RPN2: variants seen among roughly 807,000 people sequenced by gnomAD.
RPN2 encodes the protein dolichyl-diphosphooligosaccharide--protein glycosyltransferase subunit 2.
In RPN2, 29 loss-of-function variants were observed where a neutral mutation model predicts 71.4. The observed-to-expected ratio is 0.41, with a 90% CI of 0.30 to 0.55. The LOEUF is 0.55. RPN2 is among the 20% of genes least tolerant of loss of function. The probability of loss-of-function intolerance (pLI) is 0.35; values close to 1 mark genes in which losing one functional copy is unlikely to be tolerated. For synonymous variants in RPN2, 308 were observed against 305.0 expected (o/e 1.01, Z -0.10); for missense variants, 726 against 774.1 (o/e 0.94, Z 0.74).
chr20:37,189,874 A>T (rs2067104313), intron 2 of RPN2, among the ~76,000 whole-genome samples: 1 of 152,218 alleles, frequency 6.6e-6, no homozygotes, highest in Non-Finnish European at 1.5e-5. Context: ...GTGAGTTCAG[A>T]CAATGCCTGG....
intron 7 of RPN2, among the ~76,000 whole-genome samples, chr20:37,209,648 C>CTT (rs776695197): frequency 6.9e-6 from 1 of 145,584 alleles, no homozygotes; most frequent in African/African-American, 2.5e-5. Context: ...ATTTAAAAAA[C>CTT]TTTTTTTTTT....
At position 37,201,040 on chromosome 20, in the gene RPN2, T is replaced by C. The variant is rs115158835; in HGVS notation, c.479+1815T>C. On this transcript the variant is annotated intron_variant, in intron 4 of 16. Transcript: ENST00000237530. ...TTGTGTCTGACTTTGGCCAAATTTC[T>C]AACTTCTCTGAGCCTTGCCTTTAAA... Among the ~76,000 whole-genome samples the C allele has an allele frequency of 3.0e-3, 451 of 152,246 alleles. 3 individuals carry two copies. Among genetic ancestry groups the C allele is most frequent in the African/African-American group, 0.011 (438 of 41,560 alleles).
At chr20:37,203,484 G>C (rs1263034118) in intron 4 of RPN2, among the ~76,000 whole-genome samples, 1 of 151,210 alleles carries the variant, frequency 6.6e-6, no homozygotes, top group African/African-American at 2.4e-5. Flanking sequence ...GGGACTACAA[G>C]CACACGCTAC....
In RPN2 at chr20:37,233,660, A is replaced by G. The variant is rs77135528; in HGVS notation, c.1678-360A>G. ...AGCTGCCGGTGGGTTTATCTTACCA[A>G]TTCTTAGAGAACTTAGTGGGGGTGT... On this transcript the variant is annotated intron_variant, in intron 14 of 16. Transcript: ENST00000237530. Among the ~76,000 whole-genome samples, 440 of 152,312 alleles carry G rather than the reference A, an allele frequency of 2.9e-3. 1 individual carries two copies. The highest frequency in any genetic ancestry group is 0.01 in the African/African-American group (428 of 41,578).
chr20:37,183,817 G>A (rs2066936495), intron 1 of RPN2, among the ~76,000 whole-genome samples: 2 of 152,244 alleles, frequency 1.3e-5, no homozygotes, highest in Admixed American at 6.5e-5. Context: ...CAGAGAAGAA[G>A]CCAGAGAGCA....
chr20:37,196,627 A>G (rs1568968844), intron 2 of RPN2, among the ~76,000 whole-genome samples: 1 of 151,496 alleles, frequency 6.6e-6, no homozygotes, highest in Non-Finnish European at 1.5e-5. Context: ...CGATTCTCCA[A>G]CCTCACCTTC....
intron 11 of RPN2, among the ~76,000 whole-genome samples, chr20:37,227,702 ATTCT>A (rs1267565915): frequency 6.6e-6 from 1 of 152,304 alleles, no homozygotes; most frequent in Non-Finnish European, 1.5e-5. Context: ...GCCTTGTTGA[ATTCT>A]TTATTTTGAA....
At chr20:37,193,079 G>A (rs914818660) in intron 2 of RPN2, among the ~76,000 whole-genome samples, 5 of 152,152 alleles carry the variant, frequency 3.3e-5, no homozygotes, top group African/African-American at 9.7e-5. Flanking sequence ...AGTGAGCTAC[G>A]ATCATGCCAC....
At chr20:37,190,866 A>G (rs1330827957) in intron 2 of RPN2, among the ~76,000 whole-genome samples, 1 of 152,210 alleles carries the variant, frequency 6.6e-6, no homozygotes, top group African/African-American at 2.4e-5. Context: ...AGTTGTATGC[A>G]TGTTTCAGAG....
At chr20:37,199,330 A>G (rs755010089) in intron 4 of RPN2, 105 bp downstream of exon 4, 7 of 1,392,492 alleles carry the variant, frequency 5.0e-6, no homozygotes, top group Non-Finnish European at 6.9e-6. Context: ...AAGTACTTGC[A>G]GTAAATACTT....
intron 9 of RPN2, among the ~76,000 whole-genome samples, chr20:37,216,517 A>G (rs2067809048): frequency 1.3e-5 from 2 of 151,844 alleles, no homozygotes; most frequent in African/African-American, 2.4e-5. Context: ...GCTGGAGTAT[A>G]GTGGTGCCAT....
At chr20:37,209,631 T>C (rs539531001) in intron 7 of RPN2, among the ~76,000 whole-genome samples, 11 of 152,172 alleles carry the variant, frequency 7.2e-5, no homozygotes, top group Middle Eastern at 6.8e-3. Flanking sequence ...GCCCAGCTAA[T>C]TTTTTAATTT....
chr20:37,207,329 C>T lies in RPN2; in HGVS notation c.747C>T (p.Leu249=), dbSNP rs767683862. 1.9e-6 allele frequency: 3 copies of T among 1,613,968 alleles called. No homozygotes were observed. The highest frequency in any genetic ancestry group is 2.5e-6 in the Non-Finnish European group (3 of 1,179,904). Reference sequence around the variant, plus strand: ...TCAGCAAGAAGAACTTTGAGTCCCTCTCCGAAGCCTTCAGCGTGGCCTCTG... The same window carrying T: ...TCAGCAAGAAGAACTTTGAGTCCCTTTCCGAAGCCTTCAGCGTGGCCTCTG... ...AIFSKKNFES[L]SEAFSVASAA... is the part of the protein sequence containing the mutation. The change falls in exon 7 of 17, where the codon CTC becomes CTT. Residue 249 remains leucine, a synonymous_variant. Transcript: ENST00000237530.
chr20:37,231,561 A>C (rs1052588363), intron 13 of RPN2, among the ~76,000 whole-genome samples: 5 of 151,988 alleles, frequency 3.3e-5, no homozygotes, highest in African/African-American at 1.2e-4. Flanking sequence ...GAATTTAAAA[A>C]TTAAGCTGGG....
At chr20:37,199,348 C>A in intron 4 of RPN2, 123 bp downstream of exon 4, 1 of 1,249,922 alleles carries the variant, frequency 8.0e-7, no homozygotes, top group Non-Finnish European at 1.1e-6. Flanking sequence ...CTTCCGTGTG[C>A]CAGGTGCTCT....
In RPN2 at chr20:37,210,067, G is replaced by T; in HGVS notation, c.888G>T (p.Leu296=). Residue 296 remains leucine, a synonymous_variant, in exon 8 of 17, where the codon CTG becomes CTT. Coordinates refer to ENST00000237530, the MANE Select transcript of RPN2 (RefSeq NM_002951.5). ...TCCAGTTGCAAGTCACCAATGTTCT[G>T]TCTCAGCCTCTGACTCAGGCCACTG... The part of the protein sequence containing the change: ...AILRLQVTNV[L]SQPLTQATVK... The T allele has an allele frequency of 2.5e-6, 4 of 1,614,070 alleles. No homozygotes were observed. In the South Asian group the frequency reaches 3.3e-5, roughly 13 times the overall value.
intron 4 of RPN2, among the ~76,000 whole-genome samples, chr20:37,201,904 ATC>A (rs1246405259): frequency 6.6e-6 from 1 of 152,208 alleles, no homozygotes; most frequent in Non-Finnish European, 1.5e-5. Context: ...ACCTGAGAAG[ATC>A]TCATTGTAGT....
chr20:37,179,596 A>G (rs2146488781), intron 1 of RPN2: 3 of 1,173,768 alleles, frequency 2.6e-6, no homozygotes, highest in Non-Finnish European at 3.4e-6. Flanking sequence ...TGCAGCGCGG[A>G]GCTACGGGTC....
At chr20:37,211,832 G>C (rs1167681433) in intron 8 of RPN2, among the ~76,000 whole-genome samples, 1 of 151,826 alleles carries the variant, frequency 6.6e-6, no homozygotes, top group Non-Finnish European at 1.5e-5. Context: ...CCACCTCCCA[G>C]CTTCAAATGA....
Sources: gnomAD v4.1 joint callset for allele counts (sites outside exome capture counted in the v4.1 genomes callset) on GRCh38, gnomAD v4.1.1 for gene constraint, MANE v1.5 for transcripts, NCBI Gene and HGNC (gene_info 2026-07-23, HGNC 2026-07-21) for gene names.